BANK1: variants seen among roughly 807,000 people sequenced by gnomAD.
BANK1 encodes B-cell scaffold protein with ankyrin repeats.
BANK1 carries 95 observed loss-of-function variants against 94.5 expected under a neutral mutation model. The ratio of observed to expected loss-of-function variants is 1.00; its 90% confidence interval spans 0.85 to 1.19. The LOEUF (loss-of-function observed/expected upper bound fraction) is 1.19. Among genes scored for constraint, BANK1 ranks in the 50% most tolerant of loss-of-function variants. BANK1 has a pLI of 0.00. For synonymous variants in BANK1, 334 were observed against 308.4 expected (o/e 1.08, Z -0.87); for missense variants, 987 against 932.2 (o/e 1.06, Z -0.77).
Position 102,030,068 on chromosome 4 carries a change from A to T in BANK1, c.1703A>T (p.Glu568Val). 1 of 1,613,928 alleles carries T rather than the reference A, an allele frequency of 6.2e-7. No individual in the cohort carries two copies. Among genetic ancestry groups the T allele is most frequent in the African/African-American group, 1.3e-5 (1 of 75,030 alleles). Residue 568 changes from glutamate (E) to valine (V), a missense_variant, in exon 10 of 17, where the codon GAA becomes GTA. By Grantham distance (121) the Glu-to-Val change is moderately radical. Coordinates refer to ENST00000322953, the MANE Select transcript of BANK1 (RefSeq NM_017935.5). ...PKGEKEKKEE[E>V]KEQEEEEDPY... ...GGAGAAAAAGAGAAGAAAGAAGAGG[A>T]AAAAGAGCAGGAGGAGGAAGAAGAC...
intron 7 of BANK1, among the ~76,000 whole-genome samples, chr4:101,936,782 G>A (rs1458433810): frequency 1.3e-5 from 2 of 151,362 alleles, no homozygotes; most frequent in East Asian, 3.9e-4. Context: ...AGTTAAAATG[G>A]CATATATCCA....
intron 10 of BANK1, among the ~76,000 whole-genome samples, chr4:102,039,962 G>T (rs1367144057): frequency 2.0e-5 from 3 of 152,038 alleles, no homozygotes; most frequent in African/African-American, 7.2e-5. Flanking sequence ...CCATCAAGGG[G>T]GTTGTGGTTT....
chr4:101,915,770 T>C (rs1467294130), intron 6 of BANK1, among the ~76,000 whole-genome samples: 1 of 152,088 alleles, frequency 6.6e-6, no homozygotes, highest in Non-Finnish European at 1.5e-5. Context: ...TTTGTGCATT[T>C]TGTTTACATT....
At chr4:101,854,115 C>T (rs1727594186) in intron 2 of BANK1, among the ~76,000 whole-genome samples, 1 of 152,066 alleles carries the variant, frequency 6.6e-6, no homozygotes, top group Non-Finnish European at 1.5e-5. Context: ...TTCTAACTGT[C>T]AGGGGCTGCT....
chr4:102,029,266 A>G (rs1727202431), intron 9 of BANK1, among the ~76,000 whole-genome samples: 1 of 152,152 alleles, frequency 6.6e-6, no homozygotes, highest in Non-Finnish European at 1.5e-5. Context: ...AGTTTGTCAT[A>G]GTCAAAGACC....
At chr4:101,976,174 T>C (rs1171042341) in intron 7 of BANK1, among the ~76,000 whole-genome samples, 2 of 152,162 alleles carry the variant, frequency 1.3e-5, no homozygotes, top group African/African-American at 4.8e-5. Context: ...ATTAGAGATA[T>C]TGCTCTTTGT....
chr4:101,915,474 G>T (rs1227672831), intron 6 of BANK1, among the ~76,000 whole-genome samples: 1 of 151,990 alleles, frequency 6.6e-6, no homozygotes. Context: ...TGCAGATTAG[G>T]ACATAACCTA....
intron 7 of BANK1, among the ~76,000 whole-genome samples, chr4:101,923,992 C>T (rs17031810): frequency 0.066 from 10,012 of 151,640 alleles, 570 homozygotes; most frequent in East Asian, 0.19. Context: ...TAGTTGTTTG[C>T]GGTATTTTTG....
At chr4:101,863,922 C>G (rs1344659346) in intron 4 of BANK1, among the ~76,000 whole-genome samples, 1 of 152,038 alleles carries the variant, frequency 6.6e-6, no homozygotes, top group Non-Finnish European at 1.5e-5. Flanking sequence ...AATAGCAGAT[C>G]AAGATGTCAA....
intron 7 of BANK1, among the ~76,000 whole-genome samples, chr4:102,015,004 TTCTA>T (rs138546922): frequency 0.036 from 5,492 of 152,194 alleles, 328 homozygotes; most frequent in African/African-American, 0.12. Context: ...TCTGACATTT[TTCTA>T]TCTTTCTTGT....
chr4:101,873,129 A>T (rs1051660732), intron 5 of BANK1, among the ~76,000 whole-genome samples: 4 of 152,138 alleles, frequency 2.6e-5, no homozygotes, highest in African/African-American at 9.7e-5. Context: ...TTTTTTAAGA[A>T]ATGTGAATAT....
chr4:102,053,735 A>G (rs1728129964), intron 11 of BANK1, among the ~76,000 whole-genome samples: 2 of 151,942 alleles, frequency 1.3e-5, no homozygotes, highest in Admixed American at 1.3e-4. Context: ...TTTATAAGAC[A>G]TGAATGTAAA....
intron 2 of BANK1, among the ~76,000 whole-genome samples, chr4:101,833,350 GT>G (rs1382882022): frequency 6.6e-6 from 1 of 151,952 alleles, no homozygotes. Context: ...GACAGAGTGG[GT>G]TTTGTTGTTT....
chr4:102,055,154 A>T (rs751819820), intron 11 of BANK1, among the ~76,000 whole-genome samples: 12 of 152,038 alleles, frequency 7.9e-5, no homozygotes, highest in Non-Finnish European at 1.2e-4. Context: ...TTTTTAACTC[A>T]ATAGTTAACC....
At chr4:101,903,088 A>C (rs189144506) in intron 6 of BANK1, among the ~76,000 whole-genome samples, 2 of 152,364 alleles carry the variant, frequency 1.3e-5, no homozygotes, top group East Asian at 3.9e-4. Flanking sequence ...GAGCTGAAGT[A>C]TAGGGCGTCT....
intron 1 of BANK1, among the ~76,000 whole-genome samples, chr4:101,820,636 T>C (rs1389877333): frequency 6.6e-6 from 1 of 152,152 alleles, no homozygotes; most frequent in African/African-American, 2.4e-5. Context: ...ACCCTCCACC[T>C]TCAAGCATAC....
chr4:101,792,462 TGTGTGTG>T (rs751071186), intron 1 of BANK1, among the ~76,000 whole-genome samples: 1 of 99,102 alleles, frequency 1.0e-5, no homozygotes, highest in African/African-American at 3.0e-5. Context: ...TGTGTGTGTG[TGTGTGTG>T]TTTTTTTTTT....
intron 7 of BANK1, among the ~76,000 whole-genome samples, chr4:102,001,131 G>T (rs945082722): frequency 4.6e-5 from 7 of 152,152 alleles, no homozygotes; most frequent in Non-Finnish European, 7.4e-5. Context: ...GTCACAGGCT[G>T]GTTTCTAGAA....
In BANK1 at chr4:101,896,194, A is replaced by T. The variant is rs965570858; in HGVS notation, c.1009+784A>T. On this transcript the variant is annotated intron_variant, in intron 6 of 16. Coordinates refer to ENST00000322953, the MANE Select transcript of BANK1 (RefSeq NM_017935.5). Reference sequence around the variant, plus strand: ...CGTGAGGTCAGTAGTATATTTTAGAATTTTTTTTTGTTCCTGCATAGTTTG... The same window carrying T: ...CGTGAGGTCAGTAGTATATTTTAGATTTTTTTTTTGTTCCTGCATAGTTTG... Among the ~76,000 whole-genome samples, 9 of 151,546 alleles carry T rather than the reference A, an allele frequency of 5.9e-5. No individual in the cohort carries two copies. In the East Asian group the frequency reaches 7.7e-4, roughly 13 times the overall value.
Sources: allele counts gnomAD v4.1 joint callset (sites outside exome capture counted in the v4.1 genomes callset), GRCh38; gene constraint gnomAD v4.1.1; transcripts MANE v1.5; gene names NCBI Gene and HGNC (gene_info 2026-07-23, HGNC 2026-07-21).